Variants in MTO1 observed in about 807,000 individuals in gnomAD.
MTO1 encodes the protein mitochondrial tRNA translation optimization 1.
MTO1 carries 46 observed loss-of-function variants against 71.6 expected under a neutral mutation model. The observed-to-expected ratio is 0.64, with a 90% confidence interval of 0.51 to 0.82. The LOEUF is 0.82. Among genes scored for constraint, MTO1 ranks in the 40% least tolerant of loss-of-function variants. The probability of loss-of-function intolerance (pLI) is 0.00; values close to 1 mark genes in which losing one functional copy is unlikely to be tolerated. For synonymous variants in MTO1, 297 were observed against 312.1 expected, an observed-to-expected ratio of 0.95 and a Z score of 0.51; for missense variants, 773 against 867.5, an observed-to-expected ratio of 0.89 and a Z score of 1.37.
chr6:73,462,067 G>A lies in MTO1; in HGVS notation c.213G>A (p.Thr71=). 6.2e-7 allele frequency: 1 copy of A among 1,613,174 alleles called. No individual in the cohort carries two copies. The highest frequency in any genetic ancestry group is 8.5e-7 in the Non-Finnish European group (1 of 1,179,600). Residue 71 remains threonine (T), a synonymous_variant, in exon 1 of 12, where the codon ACG becomes ACA. Transcript: ENST00000498286. ...TGCTCCTCACTCACCGCGTGGACAC[G>A]ATCGGTGAGGAGCGCGGGTGCTGTG... ...RTLLLTHRVD[T]IGQMSCNPSF... is the part of the protein sequence containing the mutation.
chr6:73,473,721 CTTTTTT>C, intron 4 of MTO1, 67 bp downstream of exon 4: 2 of 847,980 alleles, frequency 2.4e-6, no homozygotes, highest in Non-Finnish European at 3.3e-6. Flanking sequence ...AGTACTGTAA[CTTTTTT>C]TTTTTTTTTT....
rs780124403 is a variant in MTO1, at chr6:73,505,046, T to C, written c.*4311T>C. ...TTAAAATACAAAAATTAGCTGGGCG[T>C]GGTGGCATGCGCCTGTAATCCGAGC... On this transcript the variant is annotated 3_prime_UTR_variant, in exon 12 of 12. Coordinates refer to ENST00000498286, the MANE Select transcript of MTO1 (RefSeq NM_012123.4). The C allele has an allele frequency of 1.2e-4, 18 of 152,070 alleles. No homozygotes were observed. Among genetic ancestry groups the C allele is most frequent in the African/African-American group, 2.2e-4 (9 of 41,378 alleles). 9.4% of individuals were successfully genotyped at this position (152,070 alleles called of 1,614,324 possible). A position where few individuals can be genotyped will look rare whatever the true frequency, so the allele number is the denominator to read the frequency against.
intron 9 of MTO1, among the ~76,000 whole-genome samples, chr6:73,490,323 G>A (rs1041816591): frequency 3.3e-5 from 5 of 152,144 alleles, no homozygotes; most frequent in African/African-American, 1.2e-4. Flanking sequence ...TTTGGCATTT[G>A]TTGCCATTGC....
chr6:73,470,368 G>T (rs932034639), intron 3 of MTO1, among the ~76,000 whole-genome samples: 3 of 151,494 alleles, frequency 2.0e-5, no homozygotes, highest in Non-Finnish European at 4.4e-5. Flanking sequence ...CACCATGCCC[G>T]GCTACTTTTT....
rs1000456066 is a variant in MTO1 at position 73,487,250 on chromosome 6, T to C, written c.1637+4630T>C. On this transcript the variant is annotated intron_variant, in intron 9 of 11. Transcript: ENST00000498286. ...TCTCACTCTGTCACTCAGATTGGAG[T>C]GGCACAATTTCTGCTCACTGCAACC... Among the ~76,000 whole-genome samples, 5 of 145,626 alleles carry C rather than the reference T, an allele frequency of 3.4e-5. No individual in the cohort carries two copies. The East Asian group carries it at 1.0e-3, about 30-fold the overall frequency.
intron 4 of MTO1, among the ~76,000 whole-genome samples, chr6:73,477,408 A>G (rs914336082): frequency 3.3e-5 from 5 of 151,414 alleles, no homozygotes; most frequent in African/African-American, 7.3e-5. Flanking sequence ...AAAAAAAAAA[A>G]AAAAAAAGAA....
chr6:73,475,223 A>G (rs1457797362), intron 4 of MTO1, among the ~76,000 whole-genome samples: 7 of 151,778 alleles, frequency 4.6e-5, no homozygotes, highest in Non-Finnish European at 1.0e-4. Context: ...TCAGCCTCTC[A>G]AAGTGCTGGG....
At position 73,508,083 on chromosome 6, in the gene MTO1, G is replaced by A. The variant is rs1772337492; in HGVS notation, c.*7348G>A. ...TCCAATCCTTTGTAACCTATTTCAG[G>A]TTAAGCATTTATGGAGGTGCCATGC... On this transcript the variant is annotated 3_prime_UTR_variant, in exon 12 of 12. Coordinates refer to ENST00000498286, the MANE Select transcript of MTO1 (RefSeq NM_012123.4). 1 of 151,620 alleles carries A rather than the reference G, an allele frequency of 6.6e-6. No homozygotes were observed. The highest frequency in any genetic ancestry group is 1.5e-5 in the Non-Finnish European group (1 of 67,974). 9.4% of individuals were successfully genotyped at this position (151,620 alleles called of 1,614,324 possible).
intron 9 of MTO1, among the ~76,000 whole-genome samples, chr6:73,489,072 T>C (rs545576372): frequency 1.3e-5 from 2 of 152,362 alleles, no homozygotes; most frequent in Middle Eastern, 3.4e-3. Context: ...TTTTATACCT[T>C]AAGGCCTTTC....
intron 9 of MTO1, chr6:73,486,724 G>C: frequency 3.7e-6 from 1 of 271,286 alleles, no homozygotes. Flanking sequence ...AGGGACAAGA[G>C]TGAGACTTCT....
At chr6:73,473,794 T>C in intron 4 of MTO1, 140 bp downstream of exon 4, 4 of 772,272 alleles carry the variant, frequency 5.2e-6, no homozygotes, top group Non-Finnish European at 8.0e-6. Flanking sequence ...TGATTTTTTT[T>C]TTTTTTTTTT....
rs1770969676 is a variant in MTO1, at chr6:73,465,773, G to A, written c.218-436G>A. ...AGGCCGAGGTGGGCAGATCACCTGA[G>A]GTCAGGAGTTTGAGACCAGCCTGGT... On this transcript the variant is annotated intron_variant, in intron 1 of 11. Coordinates refer to ENST00000498286, the MANE Select transcript of MTO1 (RefSeq NM_012123.4). Among the ~76,000 whole-genome samples the A allele has an allele frequency of 2.0e-5, 3 of 152,076 alleles. No homozygotes were observed. The South Asian group carries it at 6.2e-4, about 32-fold the overall frequency.
chr6:73,471,818 A>G (rs180751616), intron 3 of MTO1: 2 of 162,232 alleles, frequency 1.2e-5, no homozygotes, highest in Admixed American at 1.3e-4. Context: ...AAACCATAAA[A>G]TGTACCATTT....
At chr6:73,465,619 G>T (rs1770964984) in intron 1 of MTO1, among the ~76,000 whole-genome samples, 1 of 152,010 alleles carries the variant, frequency 6.6e-6, no homozygotes, top group Non-Finnish European at 1.5e-5. Flanking sequence ...GGTTTCATGG[G>T]GTAAGGATTA....
chr6:73,492,169 C>T lies in MTO1; in HGVS notation c.1638-65C>T, dbSNP rs138332958. ...GAGATCTGATATTATTTCAAAGAAT[C>T]TTGTTCTTGATCTGCCTTATATGAC... On this transcript the variant is annotated intron_variant, in intron 9 of 11. Transcript: ENST00000498286. The T allele has an allele frequency of 1.6e-5, 16 of 977,900 alleles. No individual in the cohort carries two copies. In the East Asian group the frequency reaches 3.9e-4, roughly 24 times the overall value. The allele number at this position is 977,900 out of a possible 1,614,324, so 60.6% of individuals were successfully genotyped here. A position where few individuals can be genotyped will look rare whatever the true frequency, so the allele number is the denominator to read the frequency against.
At position 73,480,725 on chromosome 6, in the gene MTO1, T is replaced by C. The variant is rs2036039; in HGVS notation, c.1180T>C (p.Leu394=). The change falls in exon 7 of 12, where the codon TTG becomes CTG. Residue 394 remains leucine, a synonymous_variant. Coordinates refer to ENST00000498286, the MANE Select transcript of MTO1 (RefSeq NM_012123.4). ...YLDPRQITPS[L]ETHLVQRLFF... is the part of the protein sequence containing the mutation. ...AGATCCCCGTCAGATCACCCCTTCCTTGGAGACTCATTTGGTTCAACGACT... is the reference window on the plus strand; with the variant it reads ...AGATCCCCGTCAGATCACCCCTTCCCTGGAGACTCATTTGGTTCAACGACT... The C allele has an allele frequency of 0.18, 294,833 of 1,613,606 alleles. 27,549 individuals carry two copies. Among genetic ancestry groups the C allele is most frequent in the African/African-American group, 0.26 (19,400 of 74,946 alleles).
In MTO1 at chr6:73,476,527, A is replaced by G. The variant is rs1002086418; in HGVS notation, c.825+2873A>G. On this transcript the variant is annotated intron_variant, in intron 4 of 11. Coordinates refer to ENST00000498286, the MANE Select transcript of MTO1 (RefSeq NM_012123.4). ...GAGTTTTTTCACAACAAACTCCTAT[A>G]AACCATTGAACGTCACTCACTGTTA... is the stretch of plus-strand genomic sequence containing the variant. Among the ~76,000 whole-genome samples, 5 of 152,170 alleles carry G rather than the reference A, an allele frequency of 3.3e-5. No homozygotes were observed. In the South Asian group the frequency reaches 1.0e-3, roughly 31 times the overall value.
rs1772355710 is a variant in MTO1 at position 73,508,941 on chromosome 6, C to T, written c.*8206C>T. The stretch of plus-strand genomic sequence containing the variant: ...CTGCACTGTTATACCCATATGGTTA[C>T]AATCCAGGCCTCAGAAAATGTTGCA... On this transcript the variant is annotated 3_prime_UTR_variant, in exon 12 of 12. Coordinates refer to ENST00000498286, the MANE Select transcript of MTO1 (RefSeq NM_012123.4). The T allele has an allele frequency of 6.6e-6, 1 of 152,214 alleles. No individual in the cohort carries two copies. The highest frequency in any genetic ancestry group is 2.4e-5 in the African/African-American group (1 of 41,448). The allele number at this position is 152,214 out of a possible 1,614,324, so 9.4% of individuals were successfully genotyped here.
In MTO1 at chr6:73,502,646, C is replaced by T. The variant is rs1458866172; in HGVS notation, c.*1911C>T. 6.6e-6 allele frequency: 1 copy of T among 152,070 alleles called. No individual in the cohort carries two copies. The highest frequency in any genetic ancestry group is 1.5e-5 in the Non-Finnish European group (1 of 68,054). The allele number at this position is 152,070 out of a possible 1,614,324, so 9.4% of individuals were successfully genotyped here. ...TGGCACAGTGGCTCACGCCTGTAAT[C>T]CCAGCACTTTGGGAGGCTGAGGCAG... is the stretch of plus-strand genomic sequence containing the variant. On this transcript the variant is annotated 3_prime_UTR_variant, in exon 12 of 12. Coordinates refer to ENST00000498286, the MANE Select transcript of MTO1 (RefSeq NM_012123.4).
Sources: gnomAD v4.1 joint callset for allele counts (sites outside exome capture counted in the v4.1 genomes callset) on GRCh38, gnomAD v4.1.1 for gene constraint, MANE v1.5 for transcripts, NCBI Gene and HGNC (gene_info 2026-07-23, HGNC 2026-07-21) for gene names.